ABCA2: variants seen among roughly 807,000 people sequenced by gnomAD.
The protein encoded by ABCA2 is ATP binding cassette subfamily A member 2, also known as ATP-binding cassette sub-family A member 2.
A neutral mutation model predicts 262.8 loss-of-function variants in ABCA2; 84 were observed. That is an observed-to-expected ratio of 0.32 (90% CI 0.27 to 0.38). The LOEUF is 0.38. ABCA2 is among the 10% of genes least tolerant of loss of function. The pLI, the probability that ABCA2 is intolerant of heterozygous loss-of-function variation, is 1.00. For missense variants in ABCA2, 2,662 were observed against 3,405.9 expected (o/e 0.78, Z 5.44); for synonymous variants, 1,696 against 1,502.9 (o/e 1.13, Z -2.97).
chr9:137,009,238 C>G, intron 45 of ABCA2, 132 bp downstream of exon 45: 2 of 763,904 alleles, frequency 2.6e-6, no homozygotes, highest in Non-Finnish European at 4.1e-6. Flanking sequence ...CCAGTCCCCC[C>G]AGCCCCAGTG....
Position 137,010,604 on chromosome 9 carries a change from C to CA in ABCA2, c.6174+15dup. On this transcript the variant is annotated intron_variant, in intron 40 of 48. Coordinates refer to ENST00000341511, the MANE Select transcript of ABCA2 (RefSeq NM_001606.5). ...CCTACCCCACCCAGGCCCCACCCTA[C>CA]ATGCCCAGAGCCCACCTTGGTCAGG... 9.7e-6 allele frequency: 7 copies of CA among 720,134 alleles called. No homozygotes were observed. Among genetic ancestry groups the CA allele is most frequent in the Non-Finnish European group, 1.8e-5 (7 of 398,128 alleles). The allele number at this position is 720,134 out of a possible 1,614,324, so 44.6% of individuals were successfully genotyped here. A position where few individuals can be genotyped will look rare whatever the true frequency, so the allele number is the denominator to read the frequency against.
In ABCA2 at chr9:137,015,856, C is replaced by T. The variant is rs2131447214; in HGVS notation, c.3333G>A (p.Leu1111=). The T allele has an allele frequency of 6.2e-7, 1 of 1,610,064 alleles. No individual in the cohort carries two copies. The highest frequency in any genetic ancestry group is 8.5e-7 in the Non-Finnish European group (1 of 1,177,958). Residue 1111 remains leucine, a synonymous_variant, in exon 23 of 49, where the codon CTG becomes CTA. Transcript: ENST00000341511. ...GTGAGTGCCGTTTGTTGGAGAGCTC[C>T]AGGTCCTCGATCATCCTGGGACAGG... The part of the protein sequence containing the change: ...RREMDKMIED[L]ELSNKRHSLV...
In ABCA2 at chr9:137,020,649, C is replaced by A. The variant is rs528114724; in HGVS notation, c.1265+45G>T. 7.3e-5 allele frequency: 116 copies of A among 1,592,086 alleles called. No individual in the cohort carries two copies. In the East Asian group the frequency reaches 2.4e-3, roughly 33 times the overall value. Reference sequence around the variant, plus strand: ...GCCTAGATTCAGGGCTCACGCCCTGCCCCTGGCTGTCCTCCTCACCCCCAT... The same window carrying A: ...GCCTAGATTCAGGGCTCACGCCCTGACCCTGGCTGTCCTCCTCACCCCCAT... On this transcript the variant is annotated intron_variant, in intron 9 of 48. Transcript: ENST00000341511.
In ABCA2 at chr9:137,014,799, G is replaced by A. The variant is rs1831196169; in HGVS notation, c.3894C>T (p.Arg1298=). The A allele has an allele frequency of 1.2e-6, 2 of 1,600,648 alleles. No homozygotes were observed. The highest frequency in any genetic ancestry group is 8.5e-7 in the Non-Finnish European group (1 of 1,174,792). Residue 1298 remains arginine, a synonymous_variant, in exon 26 of 49, where the codon CGC becomes CGT. Transcript: ENST00000341511. ...AFERLFQHLE[R]SLDALHLSSF... ...TGCTGAGGTGCAGTGCATCCAGGCT[G>A]CGCTCCAGGTGCTGCAGGGGCGGTG... is the stretch of plus-strand genomic sequence containing the variant.
In ABCA2 at chr9:137,007,678, C is replaced by T; in HGVS notation, c.*251G>A. ...GCGAGGGGCCGGGCAGACCCCGAGG[C>T]TTTAAGGCAAAGCAGGGCAAGGGTG... On this transcript the variant is annotated 3_prime_UTR_variant, in exon 49 of 49. Transcript: ENST00000341511. 1.7e-6 allele frequency: 1 copy of T among 586,120 alleles called. No homozygotes were observed. The highest frequency in any genetic ancestry group is 3.0e-6 in the Non-Finnish European group (1 of 330,366). 36.3% of individuals were successfully genotyped at this position (586,120 alleles called of 1,614,324 possible). A position where few individuals can be genotyped will look rare whatever the true frequency, so the allele number is the denominator to read the frequency against.
intron 48 of ABCA2, 123 bp from the exon 49 acceptor site, chr9:137,008,087 C>G (rs1055488303): frequency 8.0e-6 from 10 of 1,245,600 alleles, no homozygotes; most frequent in Non-Finnish European, 1.1e-5. Flanking sequence ...GGTCTCCCCA[C>G]GAGCTCCCTC....
rs747982258 is a variant in ABCA2 at position 137,009,804 on chromosome 9, T to C, written c.6595A>G (p.Ile2199Val). The C allele has an allele frequency of 6.2e-7, 1 of 1,612,346 alleles. No homozygotes were observed. Among genetic ancestry groups the C allele is most frequent in the African/African-American group, 1.3e-5 (1 of 75,030 alleles). Residue 2199 changes from isoleucine to valine, a missense_variant, in exon 43 of 49, where the codon ATC (isoleucine) becomes GTC (valine). Around this residue, in one of 12 missense-constraint regions of ABCA2, gnomAD observed 602 missense variants for 897.4 expected, o/e 0.67. Transcript: ENST00000341511. ...GGNKRKLSTAIALIGYPAFIF... is the reference protein window; with the variant it reads ...GGNKRKLSTAVALIGYPAFIF... The stretch of plus-strand genomic sequence containing the variant: ...AAGGCTGGGTACCCAATGAGGGCGA[T>C]GGCCGTGGAGAGCTTCCGCTTGTTG...
chr9:137,011,497 G>T lies in ABCA2; in HGVS notation c.5709C>A (p.Ser1903=), dbSNP rs561080522. 6.2e-7 allele frequency: 1 copy of T among 1,602,976 alleles called. No individual in the cohort carries two copies. Among genetic ancestry groups the T allele is most frequent in the Non-Finnish European group, 8.5e-7 (1 of 1,175,082 alleles). Residue 1903 remains serine, a synonymous_variant, in exon 37 of 49, where the codon TCC becomes TCA. Transcript: ENST00000341511. This position sits in a 1 kb window ranked among gnomAD's most constrained non-coding sequence, Gnocchi z 8.8. ...TGATGACAATGAGGAACACGTAGGC[G>T]GAGCTGGGGACCTCGAACCAGAAGG... The part of the protein sequence containing the change: ...PASFWFEVPS[S]AYVFLIVINL...
At chr9:137,022,211 G>GC in intron 6 of ABCA2, 140 bp downstream of exon 6, 1 of 1,118,716 alleles carries the variant, frequency 8.9e-7, no homozygotes, top group Non-Finnish European at 1.2e-6. Context: ...AGAGAGTGGG[G>GC]GCGTGGCTCA....
intron 1 of ABCA2, 146 bp downstream of exon 1, chr9:137,027,928 GC>G: frequency 4.6e-6 from 1 of 219,096 alleles, no homozygotes; most frequent in Non-Finnish European, 7.6e-6. Context: ...GCAGGGCCCG[GC>G]GGGGAGGGGG....
At position 137,011,468 on chromosome 9, in the gene ABCA2, A is replaced by G. The variant is rs1277204706; in HGVS notation, c.5738T>C (p.Leu1913Pro). The G allele has an allele frequency of 6.2e-7, 1 of 1,610,640 alleles. No homozygotes were observed. The highest frequency in any genetic ancestry group is 8.5e-7 in the Non-Finnish European group (1 of 1,179,028). The change falls in exon 37 of 49, where the codon CTC becomes CCC. Residue 1913 changes from leucine (L) to proline (P), a missense_variant. Leu to Pro is a moderately conservative substitution (Grantham distance 98). This residue lies in a region of ABCA2 where 602 missense variants were observed against 897.4 expected (regional missense o/e 0.67). Coordinates refer to ENST00000341511, the MANE Select transcript of ABCA2 (RefSeq NM_001606.5). The surrounding 1 kb of genome is among the most constrained non-coding windows in gnomAD (Gnocchi z 8.8). Reference sequence around the variant, plus strand: ...CACGGTGGCGGTGATGCCGATGAAGAGATTGATGACAATGAGGAACACGTA... The same window carrying G: ...CACGGTGGCGGTGATGCCGATGAAGGGATTGATGACAATGAGGAACACGTA... Reference protein sequence around the residue: ...SAYVFLIVINLFIGITATVAT... With the variant: ...SAYVFLIVINPFIGITATVAT...
intron 28 of ABCA2, 30 bp from the exon 29 acceptor site, chr9:137,013,593 G>A (rs367970565): frequency 4.0e-5 from 63 of 1,581,404 alleles, no homozygotes; most frequent in Middle Eastern, 3.3e-4. Context: ...GGCCTGAGCA[G>A]GTTCTGCCCT....
intron 40 of ABCA2, 45 bp from the exon 41 acceptor site, chr9:137,010,416 C>T: frequency 1.9e-6 from 3 of 1,538,704 alleles, no homozygotes; most frequent in Non-Finnish European, 2.6e-6. Context: ...TGCCCCCACC[C>T]TGCCCCTCTG....
Position 137,022,357 on chromosome 9 carries a change from C to G in ABCA2, c.561G>C (p.Pro187=). ...GGAGCTGTCCCTGCCTTACCTCGGG[C>G]GGGTCCACACGGGCGGCCAAGAGTG... ...AQALLAARVD[P]PEVYHLLFGP... is the part of the protein sequence containing the mutation. The change falls in exon 6 of 49, where the codon CCG becomes CCC. Residue 187 remains proline, a synonymous_variant. Coordinates refer to ENST00000341511, the MANE Select transcript of ABCA2 (RefSeq NM_001606.5). 6.2e-7 allele frequency: 1 copy of G among 1,604,838 alleles called. No homozygotes were observed. Among genetic ancestry groups the G allele is most frequent in the Non-Finnish European group, 8.5e-7 (1 of 1,176,376 alleles).
At position 137,017,883 on chromosome 9, in the gene ABCA2, C is replaced by G; in HGVS notation, c.2115G>C (p.Glu705Asp). ...YTRDDFLFVI[E>D]HMMPLCMVIS... The stretch of plus-strand genomic sequence containing the variant: ...TCACCATGCACAGCGGCATCATGTG[C>G]TCAATGACAAACAGGAAGCTGCGGG... Residue 705 changes from glutamate to aspartate, a missense_variant, in exon 16 of 49, where the codon GAG becomes GAC. Around this residue, in one of 12 missense-constraint regions of ABCA2, gnomAD observed 188 missense variants for 343.4 expected, o/e 0.55. Transcript: ENST00000341511. The G allele has an allele frequency of 6.2e-7, 1 of 1,612,626 alleles. No individual in the cohort carries two copies. Among genetic ancestry groups the G allele is most frequent in the Non-Finnish European group, 8.5e-7 (1 of 1,179,862 alleles).
At position 137,012,707 on chromosome 9, in the gene ABCA2, C is replaced by A. The variant is rs1831104907; in HGVS notation, c.5081+5G>T. 1.2e-6 allele frequency: 2 copies of A among 1,612,128 alleles called. No homozygotes were observed. Among genetic ancestry groups the A allele is most frequent in the Non-Finnish European group, 1.7e-6 (2 of 1,179,614 alleles). On this transcript the variant is annotated splice_donor_5th_base_variant and intron_variant, in intron 31 of 48. Transcript: ENST00000341511. ...CCTCACCCACAGCCTCCCCACCCAG[C>A]TCACCGGTGCAGTCGGAAGCGGTCG...
intron 40 of ABCA2, 79 bp from the exon 41 acceptor site, chr9:137,010,450 C>T (rs1830994586): frequency 6.6e-7 from 1 of 1,504,692 alleles, no homozygotes; most frequent in Non-Finnish European, 8.9e-7. Context: ...CAGACCCTGC[C>T]CCACCTCCAG....
chr9:137,021,529 G>T lies in ABCA2; in HGVS notation c.760C>A (p.Pro254Thr). Residue 254 changes from proline to threonine, a missense_variant, in exon 8 of 49, where the codon CCT becomes ACT. This residue lies in a region of ABCA2 where 403 missense variants were observed against 375.9 expected (regional missense o/e 1.07). Transcript: ENST00000341511. The surrounding 1 kb of genome is among the most constrained non-coding windows in gnomAD (Gnocchi z 6.0). ...SGELGRILTVPESQKGALQGY... is the reference protein window; with the variant it reads ...SGELGRILTVTESQKGALQGY... ...TGCAGGGCTCCCTTCTGACTCTCAG[G>T]CACAGTGAGGATCCGGCCCAGCTCC... 1 of 1,600,944 alleles carries T rather than the reference G, an allele frequency of 6.2e-7. No homozygotes were observed. The highest frequency in any genetic ancestry group is 8.5e-7 in the Non-Finnish European group (1 of 1,174,684).
chr9:137,018,876 G>A, intron 12 of ABCA2, 27 bp downstream of exon 12: 1 of 1,612,186 alleles, frequency 6.2e-7, no homozygotes, highest in Non-Finnish European at 8.5e-7. Flanking sequence ...GGGTGTCGTG[G>A]GTTGGCTCGG....
Sources: gnomAD v4.1 joint callset for allele counts on GRCh38, gnomAD v4.1.1 for gene constraint, gnomAD v4.1.1 regional missense constraint, Gnocchi (gnomAD v3.1) non-coding constraint, MANE v1.5 for transcripts, NCBI Gene and HGNC (gene_info 2026-07-23, HGNC 2026-07-21) for gene names.